Variants in MEGF6 observed in about 807,000 individuals in gnomAD.
MEGF6 encodes the protein multiple EGF like domains 6, also known as multiple epidermal growth factor-like domains protein 6.
Under a neutral mutation model 207.1 loss-of-function variants are expected in MEGF6, and 184 were observed. That is an observed-to-expected ratio of 0.89 (90% confidence interval 0.79 to 1.00). The LOEUF (loss-of-function observed/expected upper bound fraction) is 1.00, where lower values mean the gene tolerates loss of function less well. Ranked by LOEUF, MEGF6 falls within the 50% of genes least tolerant of loss-of-function variation. The pLI is 0.00. For synonymous variants in MEGF6, 1,038 were observed against 910.0 expected, an observed-to-expected ratio of 1.14 and a Z score of -2.53; for missense variants, 2,282 against 2,202.9, an observed-to-expected ratio of 1.04 and a Z score of -0.72.
chr1:3,557,797 C>T (rs1029531995), intron 4 of MEGF6, among the ~76,000 whole-genome samples: 6 of 152,236 alleles, frequency 3.9e-5, no homozygotes, highest in African/African-American at 1.2e-4. Context: ...CCAGAAGAAG[C>T]GGCCCGTGGG....
chr1:3,540,450 G>A (rs996295328), intron 4 of MEGF6, among the ~76,000 whole-genome samples: 2 of 152,226 alleles, frequency 1.3e-5, no homozygotes, highest in Non-Finnish European at 2.9e-5. Flanking sequence ...CTTTGCAACC[G>A]GAAGGCCCAG....
chr1:3,514,524 G>A (rs377551588), intron 7 of MEGF6, 26 bp downstream of exon 7: 6 of 1,575,518 alleles, frequency 3.8e-6, no homozygotes, highest in Non-Finnish European at 5.2e-6. Context: ...CCCTGGGCGG[G>A]GCGGAGCAGG....
chr1:3,555,358 G>C (rs1398369407), intron 4 of MEGF6, among the ~76,000 whole-genome samples: 1 of 152,212 alleles, frequency 6.6e-6, no homozygotes, highest in African/African-American at 2.4e-5. Context: ...CAGGTTCCAG[G>C]CTGGCATGGC....
intron 4 of MEGF6, among the ~76,000 whole-genome samples, chr1:3,550,946 C>A (rs1020824120): frequency 1.3e-5 from 2 of 152,236 alleles, no homozygotes; most frequent in Non-Finnish European, 2.9e-5. Context: ...GTGGACAGGG[C>A]CAGGATCCGA....
chr1:3,529,808 G>A (rs1005359367), intron 4 of MEGF6, among the ~76,000 whole-genome samples: 1 of 152,230 alleles, frequency 6.6e-6, no homozygotes, highest in Non-Finnish European at 1.5e-5. Flanking sequence ...AGCTGCCTCT[G>A]CAGAAACCAC....
At chr1:3,595,536 G>T in intron 2 of MEGF6, 89 bp from the exon 3 acceptor site, 1 of 1,154,382 alleles carries the variant, frequency 8.7e-7, no homozygotes, top group African/African-American at 1.5e-5. Flanking sequence ...CTGACTCTGC[G>T]TCAGCCGGGT....
chr1:3,501,954 A>G, intron 17 of MEGF6, 33 bp from the exon 18 acceptor site: 1 of 1,338,014 alleles, frequency 7.5e-7, no homozygotes, highest in Non-Finnish European at 9.7e-7. Flanking sequence ...CCTTAGCCGC[A>G]CCACGTGGAG....
At chr1:3,544,608 G>A (rs535481066) in intron 4 of MEGF6, among the ~76,000 whole-genome samples, 2 of 150,664 alleles carry the variant, frequency 1.3e-5, no homozygotes, top group Non-Finnish European at 2.9e-5. Flanking sequence ...TCCACACACC[G>A]CAGCCCTGGA....
chr1:3,619,114 A>G, the MEGF6 span, among the ~76,000 whole-genome samples: 43,191 of 152,062 alleles, frequency 0.28, 6,182 homozygotes, highest in Middle Eastern at 0.36. Flanking sequence ...TAATGACTTC[A>G]TGTAGGGCCT....
Position 3,514,479 on chromosome 1 carries a change from C to T in MEGF6, c.853+71G>A, listed in dbSNP as rs896178327. Reference sequence around the variant, plus strand: ...GAGGCCACGGCCCCAGAGTTAGACACGGGTCCCTCCACAGCACCTGGGTGC... The same window carrying T: ...GAGGCCACGGCCCCAGAGTTAGACATGGGTCCCTCCACAGCACCTGGGTGC... On this transcript the variant is annotated intron_variant, in intron 7 of 36. Transcript: ENST00000356575. The T allele has an allele frequency of 8.7e-6, 13 of 1,493,884 alleles. No individual in the cohort carries two copies. The East Asian group carries it at 2.9e-4, about 34-fold the overall frequency. 92.5% of individuals were successfully genotyped at this position (1,493,884 alleles called of 1,614,324 possible). A position where few individuals can be genotyped will look rare whatever the true frequency, so the allele number is the denominator to read the frequency against.
chr1:3,546,531 C>G (rs1325887002), intron 4 of MEGF6, among the ~76,000 whole-genome samples: 1 of 151,548 alleles, frequency 6.6e-6, no homozygotes, highest in East Asian at 1.9e-4. Context: ...AGGGAGGGCA[C>G]CGAGGCGGGG....
At chr1:3,494,230 C>A in intron 32 of MEGF6, 106 bp from the exon 33 acceptor site, 1 of 1,477,998 alleles carries the variant, frequency 6.8e-7, no homozygotes. Context: ...GAAAAGCCCC[C>A]TCCTGCCCGT....
rs748285081 is a variant in MEGF6, at chr1:3,500,727, G to T, written c.2613C>A (p.His871Gln). The change falls in exon 21 of 37, where the codon CAC becomes CAA. Residue 871 changes from histidine (H) to glutamine (Q), a missense_variant. Physicochemically the swap from His to Gln is conservative, Grantham distance 24 (BLOSUM62 0). Coordinates refer to ENST00000356575, the MANE Select transcript of MEGF6 (RefSeq NM_001409.4). ...CGTGGCCAGCGCTGCAGTTGCAGGGGTGGCTGCAGTCAGGTCCCCAGTGCC... is the reference window on the plus strand; with the variant it reads ...CGTGGCCAGCGCTGCAGTTGCAGGGTTGGCTGCAGTCAGGTCCCCAGTGCC... ...DTGHWGPDCSHPCNCSAGHGS... is the reference protein window; with the variant it reads ...DTGHWGPDCSQPCNCSAGHGS... 6.3e-7 allele frequency: 1 copy of T among 1,599,330 alleles called. No individual in the cohort carries two copies.
chr1:3,602,248 G>A (rs372464689), intron 2 of MEGF6, among the ~76,000 whole-genome samples: 9 of 152,184 alleles, frequency 5.9e-5, no homozygotes, highest in Non-Finnish European at 7.3e-5. Context: ...TCAGGTGCTC[G>A]GCTAAACAGG....
chr1:3,607,148 C>T (rs1644261395), intron 1 of MEGF6, among the ~76,000 whole-genome samples: 1 of 151,956 alleles, frequency 6.6e-6, no homozygotes, highest in African/African-American at 2.4e-5. Flanking sequence ...CCTTCCCGGC[C>T]CTCCTCAAAC....
chr1:3,492,547 C>A, intron 35 of MEGF6, 92 bp downstream of exon 35: 1 of 1,558,856 alleles, frequency 6.4e-7, no homozygotes, highest in Non-Finnish European at 8.8e-7. Flanking sequence ...GCCAACTCCG[C>A]AGTGGGTGAG....
At chr1:3,492,497 G>C in intron 35 of MEGF6, 142 bp downstream of exon 35, 1 of 1,176,540 alleles carries the variant, frequency 8.5e-7, no homozygotes, top group Non-Finnish European at 1.2e-6. Flanking sequence ...GGTGGGGACA[G>C]ATGACATTCG....
chr1:3,557,158 C>T (rs954241842), intron 4 of MEGF6, among the ~76,000 whole-genome samples: 1 of 152,192 alleles, frequency 6.6e-6, no homozygotes, highest in African/African-American at 2.4e-5. Context: ...GACGGCAAGA[C>T]TCTCCCTGGG....
intron 4 of MEGF6, among the ~76,000 whole-genome samples, chr1:3,554,449 C>T (rs1267775983): frequency 6.6e-6 from 1 of 152,144 alleles, no homozygotes; most frequent in Non-Finnish European, 1.5e-5. Context: ...GGAAGAGGGG[C>T]AGGTAATTCA....
Sources: gnomAD v4.1 joint callset for allele counts (sites outside exome capture counted in the v4.1 genomes callset) on GRCh38, gnomAD v4.1.1 for gene constraint, MANE v1.5 for transcripts, NCBI Gene and HGNC (gene_info 2026-07-23, HGNC 2026-07-21) for gene names.